The following IGF1R variants were observed in gnomAD, a reference collection of about 807,000 sequenced individuals.
IGF1R encodes the protein insulin-like growth factor 1 receptor.
Under a neutral mutation model 144.6 loss-of-function variants are expected in IGF1R, and 44 were observed. The observed-to-expected ratio is 0.30, with a 90% confidence interval of 0.24 to 0.39. The LOEUF (loss-of-function observed/expected upper bound fraction) is 0.39. Ranked by LOEUF, IGF1R falls within the 10% of genes least tolerant of loss-of-function variation. IGF1R has a pLI of 1.00. For synonymous variants in IGF1R, 795 were observed against 722.8 expected (o/e 1.10, Z -1.60); for missense variants, 1,355 against 1,833.7 (o/e 0.74, Z 4.77).
chr15:98,783,231 C>T (rs2055899004), intron 2 of IGF1R, among the ~76,000 whole-genome samples: 1 of 152,194 alleles, frequency 6.6e-6, no homozygotes, highest in Admixed American at 6.5e-5. Flanking sequence ...GAAACTAGTA[C>T]AGTATCACAG....
rs781647247 is a variant in IGF1R at position 98,768,931 on chromosome 15, AACAACAACAAC to A, written c.640+60826_640+60836del. ...TGACAGAGTGAGATTCCGTCTCAAA[AACAACAACAAC>A]AACAACAACAACAACAACACCTCAC... is the stretch of plus-strand genomic sequence containing the variant. On this transcript the variant is annotated intron_variant, in intron 2 of 20. Transcript: ENST00000650285. 2.0e-4 allele frequency among the ~76,000 whole-genome samples: 24 copies of A among 122,266 alleles called. 1 individual carries two copies. Among genetic ancestry groups the A allele is most frequent in the South Asian group, 1.5e-3 (6 of 3,912 alleles). The allele number at this position is 122,266 out of a possible 152,430, so 80.2% of individuals were successfully genotyped here. A position where few individuals can be genotyped will look rare whatever the true frequency, so the allele number is the denominator to read the frequency against.
At chr15:98,955,602 G>A (rs1596491028) in intron 20 of IGF1R, among the ~76,000 whole-genome samples, 1 of 152,210 alleles carries the variant, frequency 6.6e-6, no homozygotes, top group East Asian at 1.9e-4. Context: ...AGTGAATTCT[G>A]GATGGCTCTC....
At chr15:98,663,650 G>C (rs1596154044) in intron 1 of IGF1R, among the ~76,000 whole-genome samples, 1 of 152,328 alleles carries the variant, frequency 6.6e-6, no homozygotes, top group South Asian at 2.1e-4. Flanking sequence ...AGTCCAGGCT[G>C]GAGACTGACC....
At chr15:98,774,694 G>C (rs2055670125) in intron 2 of IGF1R, among the ~76,000 whole-genome samples, 1 of 150,896 alleles carries the variant, frequency 6.6e-6, no homozygotes, top group African/African-American at 2.4e-5. Flanking sequence ...GTGGTGGGGG[G>C]GTGGGGGGTG....
At chr15:98,840,868 A>G (rs2011161957) in intron 2 of IGF1R, among the ~76,000 whole-genome samples, 1 of 151,746 alleles carries the variant, frequency 6.6e-6, no homozygotes, top group South Asian at 2.1e-4. Flanking sequence ...TTTAGTAGAG[A>G]CGGGGTTTCA....
chr15:98,838,805 C>CT (rs1345709732), intron 2 of IGF1R, among the ~76,000 whole-genome samples: 7 of 152,252 alleles, frequency 4.6e-5, no homozygotes. Flanking sequence ...CCTGTCACTG[C>CT]TGAGGCTCTG....
chr15:98,741,002 A>G (rs2054726034), intron 2 of IGF1R, among the ~76,000 whole-genome samples: 1 of 152,236 alleles, frequency 6.6e-6, no homozygotes, highest in South Asian at 2.1e-4. Context: ...TTTAAAAAAA[A>G]TTCTTTCTGA....
intron 15 of IGF1R, among the ~76,000 whole-genome samples, chr15:98,931,691 C>T (rs926242723): frequency 1.1e-4 from 5 of 47,198 alleles, no homozygotes; most frequent in African/African-American, 1.7e-4. Flanking sequence ...GAGGATCTTT[C>T]CCTTTAAAAA....
At chr15:98,757,996 C>G (rs557027346) in intron 2 of IGF1R, among the ~76,000 whole-genome samples, 2 of 152,256 alleles carry the variant, frequency 1.3e-5, no homozygotes, top group African/African-American at 4.8e-5. Flanking sequence ...CATTAAATTA[C>G]TAATTCTTCC....
At chr15:98,928,586 A>G (rs1304550714) in intron 13 of IGF1R, among the ~76,000 whole-genome samples, 1 of 152,130 alleles carries the variant, frequency 6.6e-6, no homozygotes, top group African/African-American at 2.4e-5. Flanking sequence ...TAGGAAAGCC[A>G]TTTCCCCACA....
intron 1 of IGF1R, among the ~76,000 whole-genome samples, chr15:98,663,396 A>C (rs996784963): frequency 7.9e-5 from 12 of 152,202 alleles, no homozygotes; most frequent in African/African-American, 2.7e-4. Flanking sequence ...CACATAGCAA[A>C]GTTCTCCGGA....
At chr15:98,688,258 C>G (rs950674332) in intron 1 of IGF1R, among the ~76,000 whole-genome samples, 1 of 151,502 alleles carries the variant, frequency 6.6e-6, no homozygotes, top group Non-Finnish European at 1.5e-5. Flanking sequence ...CCCACCACCC[C>G]CTTCTCTCCT....
chr15:98,923,792 G>C, intron 11 of IGF1R, 84 bp from the exon 12 acceptor site: 1 of 1,076,832 alleles, frequency 9.3e-7, no homozygotes, highest in East Asian at 2.4e-5. Context: ...GTGTGGATGG[G>C]GGGGTTATTC....
At chr15:98,780,170 TAAAA>T (rs528014457) in intron 2 of IGF1R, among the ~76,000 whole-genome samples, 2 of 150,642 alleles carry the variant, frequency 1.3e-5, no homozygotes, top group African/African-American at 2.4e-5. Flanking sequence ...ATAAATAAAA[TAAAA>T]AAAGAAAAAA....
rs993135456 is a variant in IGF1R, at chr15:98,963,526, A to G, written c.*6084A>G. 4.3e-6 allele frequency: 1 copy of G among 233,192 alleles called. No homozygotes were observed. The highest frequency in any genetic ancestry group is 8.5e-6 in the Non-Finnish European group (1 of 118,058). 14.4% of individuals were successfully genotyped at this position (233,192 alleles called of 1,614,324 possible). A position where few individuals can be genotyped will look rare whatever the true frequency, so the allele number is the denominator to read the frequency against. ...CCGAGGTGTTGGAGCCCAGCAGTGC[A>G]TGGCACCGTTCGGCATCTGGCTTGA... On this transcript the variant is annotated 3_prime_UTR_variant, in exon 21 of 21. Coordinates refer to ENST00000650285, the MANE Select transcript of IGF1R (RefSeq NM_000875.5).
intron 9 of IGF1R, 87 bp downstream of exon 9, chr15:98,916,218 C>T (rs535337773): frequency 2.9e-4 from 341 of 1,180,882 alleles, no homozygotes; most frequent in Non-Finnish European, 3.5e-4. Context: ...TTACACGTAT[C>T]AGACAACAGT....
intron 2 of IGF1R, chr15:98,890,361 C>G (rs550308569): frequency 1.8e-4 from 27 of 152,334 alleles, no homozygotes; most frequent in African/African-American, 6.3e-4. Flanking sequence ...AAGATGGTAA[C>G]GAGAGTGACC....
intron 2 of IGF1R, among the ~76,000 whole-genome samples, chr15:98,823,992 T>G (rs2056847014): frequency 6.6e-6 from 1 of 152,246 alleles, no homozygotes. Flanking sequence ...CTCAGTCATT[T>G]GTGAATGATG....
chr15:98,818,667 T>G (rs969265796), intron 2 of IGF1R, among the ~76,000 whole-genome samples: 1 of 151,948 alleles, frequency 6.6e-6, no homozygotes, highest in Non-Finnish European at 1.5e-5. Context: ...TAATTAGTTG[T>G]GGGGGGCTGT....
Sources: allele counts gnomAD v4.1 joint callset (sites outside exome capture counted in the v4.1 genomes callset), GRCh38; gene constraint gnomAD v4.1.1; transcripts MANE v1.5; gene names NCBI Gene and HGNC (gene_info 2026-07-23, HGNC 2026-07-21).